The following NAIP variants were observed in gnomAD, a reference collection of about 807,000 sequenced individuals.
The protein encoded by NAIP is baculoviral IAP repeat-containing protein 1.
NAIP carries 15 observed loss-of-function variants against 23.0 expected under a neutral mutation model. The observed-to-expected ratio is 0.65, with a 90% CI of 0.44 to 1.00. The LOEUF is 1.00. Among genes scored for constraint, NAIP ranks in the 50% least tolerant of loss-of-function variants. NAIP has a pLI of 0.00. For missense variants in NAIP, 265 were observed against 278.8 expected (o/e 0.95, Z 0.35); for synonymous variants, 100 against 100.2 (o/e 1.00, Z 0.01).
intron 13 of NAIP, among the ~76,000 whole-genome samples, chr5:70,978,162 T>A (rs1750379749): frequency 8.1e-6 from 1 of 123,086 alleles, no homozygotes; most frequent in African/African-American, 3.0e-5. Context: ...TTTTTTTTTT[T>A]TTTTTTTGAG....
At chr5:71,013,828 T>C (rs1196060098) in intron 3 of NAIP, among the ~76,000 whole-genome samples, 2 of 151,302 alleles carry the variant, frequency 1.3e-5, no homozygotes, top group East Asian at 3.9e-4. Context: ...TAACATCATT[T>C]GAACACTGAG....
chr5:70,978,130 CATATATATAT>C (rs1163436208), intron 13 of NAIP, among the ~76,000 whole-genome samples: 1 of 35,392 alleles, frequency 2.8e-5, no homozygotes, highest in African/African-American at 7.6e-5. Flanking sequence ...CACACACACA[CATATATATAT>C]ATATATATAT....
intron 3 of NAIP, among the ~76,000 whole-genome samples, chr5:71,016,190 A>T (rs1390666822): frequency 2.3e-4 from 34 of 150,106 alleles, no homozygotes; most frequent in African/African-American, 8.3e-4. Flanking sequence ...ACTACGTGGG[A>T]GGCTGAGGTG....
chr5:71,012,998 AC>A, intron 3 of NAIP, 80 bp from the exon 4 acceptor site: 1 of 1,259,970 alleles, frequency 7.9e-7, no homozygotes, highest in Non-Finnish European at 1.1e-6. Flanking sequence ...TTCCGAAGAA[AC>A]CAGGAATTAA....
chr5:70,977,242 T>C (rs568513328), intron 13 of NAIP, among the ~76,000 whole-genome samples, 184 bp from the exon 14 acceptor site: 1 of 145,482 alleles, frequency 6.9e-6, no homozygotes, highest in South Asian at 2.1e-4. Flanking sequence ...AATGTGAATT[T>C]TGACACATTA....
chr5:71,009,726 A>T (rs28751879), intron 5 of NAIP, among the ~76,000 whole-genome samples: 13,779 of 151,198 alleles, frequency 0.091, 1,025 homozygotes, highest in Non-Finnish European at 0.13. Flanking sequence ...TCCAGGAAAA[A>T]AGGTGGGTAG....
chr5:71,014,581 G>A (rs947750777), intron 3 of NAIP, among the ~76,000 whole-genome samples: 4 of 151,628 alleles, frequency 2.6e-5, no homozygotes, highest in South Asian at 2.1e-4. Flanking sequence ...TGGATTGAGA[G>A]ATTAACATTA....
chr5:71,013,454 A>C (rs1278743526), intron 3 of NAIP, among the ~76,000 whole-genome samples: 2 of 150,778 alleles, frequency 1.3e-5, no homozygotes, highest in East Asian at 3.9e-4. Flanking sequence ...CTGGCTAACA[A>C]GGTGAAACCC....
chr5:71,000,603 AG>A, intron 8 of NAIP, among the ~76,000 whole-genome samples: 1 of 119,218 alleles, frequency 8.4e-6, no homozygotes, highest in Non-Finnish European at 1.7e-5. Context: ...CCCAGGCTGG[AG>A]TGCAATAGCA....
intron 4 of NAIP, 140 bp from the exon 5 acceptor site, chr5:71,011,514 C>T: frequency 1.4e-6 from 1 of 710,890 alleles, no homozygotes; most frequent in Non-Finnish European, 2.4e-6. Context: ...AGTCTCCATC[C>T]TCAATCCCAC....
intron 13 of NAIP, among the ~76,000 whole-genome samples, chr5:70,978,130 C>CACACAT (rs1342843444): frequency 5.6e-4 from 20 of 35,428 alleles, no homozygotes; most frequent in African/African-American, 1.4e-3. Context: ...CACACACACA[C>CACACAT]ATATATATAT....
chr5:71,011,563 G>C, intron 4 of NAIP, 189 bp from the exon 5 acceptor site: 1 of 597,608 alleles, frequency 1.7e-6, no homozygotes, highest in South Asian at 2.2e-5. Context: ...CGTGCTCTAG[G>C]TACAGAACCC....
chr5:71,014,740 A>C (rs1175329334), intron 3 of NAIP, among the ~76,000 whole-genome samples: 1 of 151,030 alleles, frequency 6.6e-6, no homozygotes, highest in Non-Finnish European at 1.5e-5. Context: ...CCATCTCTAC[A>C]AAAATAAAAA....
At chr5:70,971,627 C>T in intron 16 of NAIP, 1 of 212,906 alleles carries the variant, frequency 4.7e-6, no homozygotes, top group Non-Finnish European at 9.4e-6. Context: ...TTACAAGGGA[C>T]TTCAAAGAGT....
chr5:71,011,449 T>C (rs1405265539), intron 4 of NAIP, 75 bp from the exon 5 acceptor site: 3 of 1,238,118 alleles, frequency 2.4e-6, no homozygotes, highest in Non-Finnish European at 2.3e-6. Context: ...GATTGTTTTG[T>C]TCAGGAGCAA....
intron 5 of NAIP, among the ~76,000 whole-genome samples, chr5:71,008,570 C>T (rs1436257064): frequency 1.6e-5 from 1 of 63,124 alleles, no homozygotes; most frequent in Non-Finnish European, 3.0e-5. Flanking sequence ...TTTGGGAGGC[C>T]GAGGCAGGTG....
intron 5 of NAIP, among the ~76,000 whole-genome samples, chr5:71,010,577 A>G (rs1181951996): frequency 2.0e-5 from 3 of 150,764 alleles, no homozygotes; most frequent in Non-Finnish European, 4.4e-5. Flanking sequence ...AATTTTTTTT[A>G]TTTTTGTAGA....
chr5:71,012,151 T>C (rs1218339333), intron 4 of NAIP, among the ~76,000 whole-genome samples, 197 bp downstream of exon 4: 3 of 151,606 alleles, frequency 2.0e-5, no homozygotes, highest in Non-Finnish European at 4.4e-5. Flanking sequence ...TTTGACAAAT[T>C]AACACAGGCT....
chr5:71,012,301 A>G (rs774300627), intron 4 of NAIP, 47 bp downstream of exon 4: 6 of 1,503,264 alleles, frequency 4.0e-6, no homozygotes, highest in Non-Finnish European at 4.5e-6. Context: ...AATAAAACCT[A>G]AACTTAAAAC....
Sources: allele counts gnomAD v4.1 joint callset (sites outside exome capture counted in the v4.1 genomes callset), GRCh38; gene constraint gnomAD v4.1.1; transcripts MANE v1.5; gene names NCBI Gene and HGNC (gene_info 2026-07-23, HGNC 2026-07-21).